Variants in BRI3BP observed in about 807,000 individuals in gnomAD.
The protein encoded by BRI3BP is BRI3 binding protein.
BRI3BP carries 7 observed loss-of-function variants against 15.8 expected under a neutral mutation model. The observed-to-expected ratio is 0.44, with a 90% CI of 0.25 to 0.83. The LOEUF (loss-of-function observed/expected upper bound fraction) is 0.83. BRI3BP is among the 40% of genes least tolerant of loss of function. The probability of loss-of-function intolerance (pLI) is 0.20; values close to 1 mark genes in which losing one functional copy is unlikely to be tolerated. For missense variants in BRI3BP, 320 were observed against 339.3 expected (o/e 0.94, Z 0.45); for synonymous variants, 192 against 163.5 (o/e 1.17, Z -1.33).
At chr12:125,005,373 C>T (rs1955132522) in intron 1 of BRI3BP, among the ~76,000 whole-genome samples, 1 of 152,170 alleles carries the variant, frequency 6.6e-6, no homozygotes, top group Non-Finnish European at 1.5e-5. Flanking sequence ...GAAACTGGGT[C>T]TCACCCCATA....
rs749069084 is a variant in BRI3BP, at chr12:124,993,942, A to G, written c.152A>G (p.Asn51Ser). 16 of 1,367,634 alleles carry G rather than the reference A, an allele frequency of 1.2e-5. No individual in the cohort carries two copies. Among genetic ancestry groups the G allele is most frequent in the Non-Finnish European group, 1.4e-5 (15 of 1,047,618 alleles). The allele number at this position is 1,367,634 out of a possible 1,614,324, so 84.7% of individuals were successfully genotyped here. The change falls in exon 1 of 3, where the codon AAC becomes AGC. Residue 51 changes from asparagine (N) to serine (S), a missense_variant. By Grantham distance (46) the Asn-to-Ser change is conservative (BLOSUM62 1). Coordinates refer to ENST00000341446, the MANE Select transcript of BRI3BP (RefSeq NM_080626.6). ...AAGAACAGCTACCGCCGCACGGTCA[A>G]CACCTTCTCCCAGAGCGTCAGCAGC... ...AEKNSYRRTVNTFSQSVSSLF... is the reference protein window; with the variant it reads ...AEKNSYRRTVSTFSQSVSSLF...
At chr12:125,006,809 C>T (rs924579391) in intron 1 of BRI3BP, among the ~76,000 whole-genome samples, 6 of 152,208 alleles carry the variant, frequency 3.9e-5, no homozygotes, top group Non-Finnish European at 7.3e-5. Flanking sequence ...TGCTTCCACG[C>T]ACCCTTTCCT....
At chr12:125,001,004 CAG>C (rs1445435191) in intron 1 of BRI3BP, among the ~76,000 whole-genome samples, 2 of 152,300 alleles carry the variant, frequency 1.3e-5, no homozygotes, top group Admixed American at 6.5e-5. Context: ...TCTAGTCTGT[CAG>C]AGTTTCCTCA....
chr12:124,993,817 C>G lies in BRI3BP; in HGVS notation c.27C>G (p.Pro9=). The stretch of plus-strand genomic sequence containing the variant: ...TGGGCGCGCGCGCCTCAGGCGGGCC[C>G]CTGGCCCGGGCCGGGCTCCTGCTGC... MGARASGG[P]LARAGLLLLL... Residue 9 remains proline (P), a synonymous_variant, in exon 1 of 3, where the codon CCC becomes CCG. Coordinates refer to ENST00000341446, the MANE Select transcript of BRI3BP (RefSeq NM_080626.6). The G allele has an allele frequency of 4.5e-6, 5 of 1,117,262 alleles. No homozygotes were observed. Among genetic ancestry groups the G allele is most frequent in the Non-Finnish European group, 5.4e-6 (5 of 919,138 alleles). The allele number at this position is 1,117,262 out of a possible 1,614,324, so 69.2% of individuals were successfully genotyped here.
At position 125,028,566 on chromosome 12, in the gene BRI3BP, A is replaced by T. The variant is rs1053534610; in HGVS notation, c.*3136A>T. On this transcript the variant is annotated 3_prime_UTR_variant, in exon 3 of 3. Coordinates refer to ENST00000341446, the MANE Select transcript of BRI3BP (RefSeq NM_080626.6). ...TTTATAGCTTGATACATTCTGGTGA[A>T]AGATGTCTTCATTTTTAATGAAAGA... is the stretch of plus-strand genomic sequence containing the variant. 1 of 152,150 alleles carries T rather than the reference A, an allele frequency of 6.6e-6. No homozygotes were observed. Among genetic ancestry groups the T allele is most frequent in the African/African-American group, 2.4e-5 (1 of 41,420 alleles). 9.4% of individuals were successfully genotyped at this position (152,150 alleles called of 1,614,324 possible).
rs1291097057 is a variant in BRI3BP at position 125,026,039 on chromosome 12, T to A, written c.*609T>A. ...GGGCTGCAGGATGCAACTCAACCTC[T>A]TTTGGATCCTAGAGACCCCTGCCAA... On this transcript the variant is annotated 3_prime_UTR_variant, in exon 3 of 3. Coordinates refer to ENST00000341446, the MANE Select transcript of BRI3BP (RefSeq NM_080626.6). 1 of 152,240 alleles carries A rather than the reference T, an allele frequency of 6.6e-6. No homozygotes were observed. The highest frequency in any genetic ancestry group is 1.5e-5 in the Non-Finnish European group (1 of 68,056). 9.4% of individuals were successfully genotyped at this position (152,240 alleles called of 1,614,324 possible).
Position 125,027,099 on chromosome 12 carries a change from C to G in BRI3BP, c.*1669C>G, listed in dbSNP as rs550693802. The G allele has an allele frequency of 6.6e-6, 1 of 152,308 alleles. No individual in the cohort carries two copies. Among genetic ancestry groups the G allele is most frequent in the East Asian group, 1.9e-4 (1 of 5,182 alleles). The allele number at this position is 152,308 out of a possible 1,614,324, so 9.4% of individuals were successfully genotyped here. Reference sequence around the variant, plus strand: ...AGGTTTATAGATAACCCCTGCCAGACCTGCTACAACCAAGACCTTATGGTC... The same window carrying G: ...AGGTTTATAGATAACCCCTGCCAGAGCTGCTACAACCAAGACCTTATGGTC... On this transcript the variant is annotated 3_prime_UTR_variant, in exon 3 of 3. Transcript: ENST00000341446.
chr12:124,993,816 C>T lies in BRI3BP; in HGVS notation c.26C>T (p.Pro9Leu). 9.0e-7 allele frequency: 1 copy of T among 1,115,170 alleles called. No homozygotes were observed. Among genetic ancestry groups the T allele is most frequent in the East Asian group, 5.3e-5 (1 of 18,696 alleles). 69.1% of individuals were successfully genotyped at this position (1,115,170 alleles called of 1,614,324 possible). Residue 9 changes from proline to leucine, a missense_variant, in exon 1 of 3, where the codon CCC (proline) becomes CTC (leucine). Pro to Leu is a moderately conservative substitution (Grantham distance 98). Coordinates refer to ENST00000341446, the MANE Select transcript of BRI3BP (RefSeq NM_080626.6). MGARASGG[P>L]LARAGLLLLL... ...ATGGGCGCGCGCGCCTCAGGCGGGC[C>T]CCTGGCCCGGGCCGGGCTCCTGCTG... is the stretch of plus-strand genomic sequence containing the variant.
chr12:125,014,487 G>T (rs1384204645), intron 2 of BRI3BP, among the ~76,000 whole-genome samples: 1 of 152,228 alleles, frequency 6.6e-6, no homozygotes. Flanking sequence ...AAAGGTGCGC[G>T]AATTCCCGGG....
downstream of BRI3BP, among the ~76,000 whole-genome samples, chr12:125,034,830 T>C (rs1272504248): frequency 6.6e-6 from 1 of 152,216 alleles, no homozygotes; most frequent in Non-Finnish European, 1.5e-5. Context: ...CCTTGTATTC[T>C]GCCCACCTTG....
chr12:125,007,049 A>AT (rs1475436528), intron 1 of BRI3BP, among the ~76,000 whole-genome samples: 7 of 151,794 alleles, frequency 4.6e-5, no homozygotes, highest in Non-Finnish European at 1.0e-4. Context: ...AAATATAAAA[A>AT]TTAGCCAGGT....
chr12:125,039,991 C>G, the BRI3BP span, among the ~76,000 whole-genome samples: 1 of 152,082 alleles, frequency 6.6e-6, no homozygotes, highest in Non-Finnish European at 1.5e-5. Flanking sequence ...TGGCTGGGTA[C>G]GGTGGCTCAT....
At chr12:125,000,997 A>C (rs1955086690) in intron 1 of BRI3BP, among the ~76,000 whole-genome samples, 1 of 152,202 alleles carries the variant, frequency 6.6e-6, no homozygotes. Context: ...TCATGTCTCT[A>C]GTCTGTCAGA....
the BRI3BP span, among the ~76,000 whole-genome samples, chr12:125,044,037 A>T: frequency 2.0e-5 from 3 of 150,496 alleles, no homozygotes; most frequent in South Asian, 6.4e-4. Context: ...AAAAAAAAAA[A>T]GGAAAGAAAG....
rs1594538881 is a variant in BRI3BP at position 125,024,916 on chromosome 12, A to G, written c.317-75A>G. 42 of 1,366,650 alleles carry G rather than the reference A, an allele frequency of 3.1e-5. No homozygotes were observed. In the South Asian group the frequency reaches 5.1e-4, roughly 17 times the overall value. 84.7% of individuals were successfully genotyped at this position (1,366,650 alleles called of 1,614,324 possible). On this transcript the variant is annotated intron_variant, in intron 2 of 2. Coordinates refer to ENST00000341446, the MANE Select transcript of BRI3BP (RefSeq NM_080626.6). ...CTTTTAAGCCCCACAGGCCAGCTCAACTATCCAATTCTAGCTTGTTAAGAA... is the reference window on the plus strand; with the variant it reads ...CTTTTAAGCCCCACAGGCCAGCTCAGCTATCCAATTCTAGCTTGTTAAGAA...
intron 1 of BRI3BP, among the ~76,000 whole-genome samples, chr12:125,005,895 C>T (rs1955139194): frequency 6.6e-6 from 1 of 152,128 alleles, no homozygotes; most frequent in Non-Finnish European, 1.5e-5. Flanking sequence ...GTGTGCACTG[C>T]AGCCCAGTCG....
In BRI3BP at chr12:125,024,852, A is replaced by G. The variant is rs923418057; in HGVS notation, c.317-139A>G. ...CATGGAGCAAAGTGTGACTATTCAC[A>G]GAGGAACTTCCTTGAGTTCCTTTGG... On this transcript the variant is annotated intron_variant, in intron 2 of 2. Transcript: ENST00000341446. 10 of 714,362 alleles carry G rather than the reference A, an allele frequency of 1.4e-5. No homozygotes were observed. In the African/African-American group the frequency reaches 1.8e-4, roughly 13 times the overall value. 44.3% of individuals were successfully genotyped at this position (714,362 alleles called of 1,614,324 possible). A position where few individuals can be genotyped will look rare whatever the true frequency, so the allele number is the denominator to read the frequency against.
intron 1 of BRI3BP, among the ~76,000 whole-genome samples, chr12:125,000,120 A>G (rs1955076733): frequency 7.7e-6 from 1 of 130,356 alleles, no homozygotes; most frequent in Non-Finnish European, 1.6e-5. Flanking sequence ...TGTTTGCAAG[A>G]AAGTATTTTG....
At chr12:125,001,495 G>A (rs1955090610) in intron 1 of BRI3BP, among the ~76,000 whole-genome samples, 1 of 152,140 alleles carries the variant, frequency 6.6e-6, no homozygotes, top group African/African-American at 2.4e-5. Context: ...GAGTAGCTGG[G>A]CTTACAAGCA....
Sources: gnomAD v4.1 joint callset for allele counts (sites outside exome capture counted in the v4.1 genomes callset) on GRCh38, gnomAD v4.1.1 for gene constraint, MANE v1.5 for transcripts, NCBI Gene and HGNC (gene_info 2026-07-23, HGNC 2026-07-21) for gene names.